Variants in FAM227B observed in about 807,000 individuals in gnomAD.
FAM227B encodes the protein family with sequence similarity 227 member B.
FAM227B carries 88 observed loss-of-function variants against 73.8 expected under a neutral mutation model. The ratio of observed to expected loss-of-function variants is 1.19; its 90% CI spans 1.00 to 1.42. The LOEUF is 1.42. Ranked by LOEUF, FAM227B falls within the 40% of genes most tolerant of loss-of-function variation. FAM227B has a pLI of 0.00. For missense variants in FAM227B, 632 were observed against 590.9 expected, an observed-to-expected ratio of 1.07 and a Z score of -0.72; for synonymous variants, 210 against 190.5, an observed-to-expected ratio of 1.10 and a Z score of -0.84.
chr15:49,588,242 G>C (rs566952597), intron 4 of FAM227B, among the ~76,000 whole-genome samples, 159 bp from the exon 5 acceptor site: 8 of 151,714 alleles, frequency 5.3e-5, no homozygotes, highest in African/African-American at 1.9e-4. Context: ...ACTGTTAGCT[G>C]AATGAATAAC....
At chr15:49,555,610 A>G (rs75291751) in intron 9 of FAM227B, among the ~76,000 whole-genome samples, 2,395 of 152,204 alleles carry the variant, frequency 0.016, 17 homozygotes, top group Middle Eastern at 0.034. Flanking sequence ...AGGGTGGGTA[A>G]TTTTTCACAA....
chr15:49,545,629 T>C (rs962673427), intron 9 of FAM227B, among the ~76,000 whole-genome samples: 3 of 152,192 alleles, frequency 2.0e-5, no homozygotes, highest in Non-Finnish European at 4.4e-5. Flanking sequence ...AGACATTTAA[T>C]GCTATGAACT....
At chr15:49,478,049 T>C (rs2055522036) in intron 11 of FAM227B, among the ~76,000 whole-genome samples, 1 of 152,234 alleles carries the variant, frequency 6.6e-6, no homozygotes. Context: ...TAGTACCTAA[T>C]GGTTTTTCAA....
chr15:49,384,220 C>A (rs11631687), intron 11 of FAM227B, among the ~76,000 whole-genome samples: 2 of 151,892 alleles, frequency 1.3e-5, no homozygotes, highest in Admixed American at 6.6e-5. Context: ...CAGTTCAAGC[C>A]GATTTGTGTT....
chr15:49,531,420 G>A (rs1441890404), intron 10 of FAM227B, among the ~76,000 whole-genome samples: 1 of 151,892 alleles, frequency 6.6e-6, no homozygotes, highest in Non-Finnish European at 1.5e-5. Flanking sequence ...AAAGTGTAGG[G>A]AAATAAGATA....
chr15:49,576,028 A>T (rs1053019800), intron 7 of FAM227B: 10 of 152,360 alleles, frequency 6.6e-5, no homozygotes, highest in African/African-American at 2.2e-4. Flanking sequence ...TATAAAAAGG[A>T]CATCATATAA....
intron 11 of FAM227B, chr15:49,424,643 G>C (rs1237447132): frequency 7.5e-7 from 1 of 1,328,094 alleles, no homozygotes; most frequent in Non-Finnish European, 1.0e-6. Flanking sequence ...TCAATTTTCA[G>C]GTGATATGTT....
intron 8 of FAM227B, among the ~76,000 whole-genome samples, chr15:49,572,212 T>G (rs1289327745): frequency 6.6e-6 from 1 of 152,094 alleles, no homozygotes; most frequent in Admixed American, 6.6e-5. Context: ...TCCTGCAACT[T>G]AATTCATACA....
chr15:49,328,793 A>C, intron 15 of FAM227B, 118 bp from the exon 16 acceptor site: 1 of 1,423,024 alleles, frequency 7.0e-7, no homozygotes. Flanking sequence ...TTTTTTTGAC[A>C]AAAGGAGGAT....
chr15:49,605,539 G>A (rs185468137), intron 3 of FAM227B, among the ~76,000 whole-genome samples: 14 of 151,974 alleles, frequency 9.2e-5, no homozygotes, highest in Admixed American at 2.6e-4. Context: ...GGTGGGCCTC[G>A]AATCTGTTTT....
intron 11 of FAM227B, among the ~76,000 whole-genome samples, chr15:49,420,905 A>G (rs958013590): frequency 2.0e-5 from 3 of 151,994 alleles, no homozygotes; most frequent in Non-Finnish European, 2.9e-5. Context: ...ACGGGGTTTC[A>G]CTGTGTTAGC....
At position 49,493,888 on chromosome 15, in the gene FAM227B, A is replaced by ATATG. The variant is rs146161182; in HGVS notation, c.1012+14322_1012+14323insCATA. Among the ~76,000 whole-genome samples the ATATG allele has an allele frequency of 6.7e-3, 1,000 of 148,880 alleles. 7 individuals are homozygous for ATATG. Among genetic ancestry groups the ATATG allele is most frequent in the African/African-American group, 0.022 (906 of 40,400 alleles). On this transcript the variant is annotated intron_variant, in intron 11 of 15. Transcript: ENST00000299338. Reference sequence around the variant, plus strand: ...TATGTATGTGTATATATATATATATATGTGTGTGTGTGTATGTATGTGTGT... The same window carrying ATATG: ...TATGTATGTGTATATATATATATATATATGTGTGTGTGTGTGTATGTATGTGTGT...
chr15:49,365,955 C>T, intron 13 of FAM227B: 7 of 878,556 alleles, frequency 8.0e-6, no homozygotes, highest in Admixed American at 1.7e-5. Context: ...CATAAACTAA[C>T]CATTTGTGGA....
At chr15:49,335,871 G>A (rs542915475) in intron 13 of FAM227B, among the ~76,000 whole-genome samples, 4 of 151,996 alleles carry the variant, frequency 2.6e-5, no homozygotes, top group African/African-American at 9.7e-5. Flanking sequence ...ATTCATTTTC[G>A]AGACAGGGTC....
At chr15:49,490,949 T>C (rs2057039160) in intron 11 of FAM227B, among the ~76,000 whole-genome samples, 1 of 152,026 alleles carries the variant, frequency 6.6e-6, no homozygotes, top group Admixed American at 6.6e-5. Flanking sequence ...TTTATATTTC[T>C]GATTTTCTTA....
Position 49,541,437 on chromosome 15 carries a change from T to A in FAM227B, c.874+243A>T, listed in dbSNP as rs545693512. ...TATGACTATTTCTGTGACATTTCAG[T>A]TTTCCATAATAATTCCATTGATTAT... On this transcript the variant is annotated intron_variant, in intron 10 of 15. Coordinates refer to ENST00000299338, the MANE Select transcript of FAM227B (RefSeq NM_152647.3). Among the ~76,000 whole-genome samples, 7 of 152,226 alleles carry A rather than the reference T, an allele frequency of 4.6e-5. No homozygotes were observed. In the South Asian group the frequency reaches 1.2e-3, roughly 27 times the overall value.
intron 8 of FAM227B, among the ~76,000 whole-genome samples, chr15:49,569,470 C>A (rs2152354768): frequency 6.6e-6 from 1 of 151,706 alleles, no homozygotes; most frequent in South Asian, 2.1e-4. Context: ...GATTTCAGAT[C>A]TTTCTTCTTT....
chr15:49,368,673 C>A, intron 12 of FAM227B, among the ~76,000 whole-genome samples: 1 of 152,130 alleles, frequency 6.6e-6, no homozygotes, highest in Non-Finnish European at 1.5e-5. Flanking sequence ...GCAAAACTAG[C>A]CCAAGCTCAG....
At chr15:49,381,033 T>C (rs1425404975) in intron 11 of FAM227B, among the ~76,000 whole-genome samples, 1 of 152,174 alleles carries the variant, frequency 6.6e-6, no homozygotes, top group Non-Finnish European at 1.5e-5. Flanking sequence ...GGAGCCCATG[T>C]GTCATCTGGT....
Sources: gnomAD v4.1 joint callset for allele counts (sites outside exome capture counted in the v4.1 genomes callset) on GRCh38, gnomAD v4.1.1 for gene constraint, MANE v1.5 for transcripts, NCBI Gene and HGNC (gene_info 2026-07-23, HGNC 2026-07-21) for gene names.